EEF1AKMT2: variants seen among roughly 807,000 people sequenced by gnomAD.
EEF1AKMT2 encodes the protein EEF1A lysine methyltransferase 2, also known as eukaryotic translation elongation factor 1 alpha lysine methyltransferase 2.
A neutral mutation model predicts 35.8 loss-of-function variants in EEF1AKMT2; 32 were observed. The observed-to-expected ratio is 0.89, with a 90% confidence interval of 0.67 to 1.20. The LOEUF is 1.20. EEF1AKMT2 is among the 50% of genes most tolerant of loss of function. The pLI is 0.00. For missense variants in EEF1AKMT2, 330 were observed against 347.5 expected (o/e 0.95, Z 0.40); for synonymous variants, 121 against 133.7 (o/e 0.91, Z 0.65).
intron 4 of EEF1AKMT2, among the ~76,000 whole-genome samples, chr10:124,774,294 G>C (rs1453511413): frequency 6.9e-6 from 1 of 145,432 alleles, no homozygotes; most frequent in Non-Finnish European, 1.5e-5. Context: ...ATGAACCCAG[G>C]AGGCGGAGCT....
At chr10:124,766,625 C>T (rs1197896644) in intron 4 of EEF1AKMT2, among the ~76,000 whole-genome samples, 1 of 152,134 alleles carries the variant, frequency 6.6e-6, no homozygotes, top group Non-Finnish European at 1.5e-5. Flanking sequence ...CATGTTTAAT[C>T]TAAAACTCTA....
intron 4 of EEF1AKMT2, among the ~76,000 whole-genome samples, chr10:124,767,289 G>A (rs566984976): frequency 2.5e-4 from 38 of 150,758 alleles, no homozygotes; most frequent in Admixed American, 5.3e-4. Flanking sequence ...CAAGGCAGAC[G>A]GATCATGAGG....
intron 3 of EEF1AKMT2, among the ~76,000 whole-genome samples, chr10:124,775,942 G>C (rs1378736161): frequency 2.0e-5 from 3 of 148,392 alleles, no homozygotes; most frequent in African/African-American, 7.5e-5. Context: ...TTTTGAGACA[G>C]AGTCTCGCTC....
intron 3 of EEF1AKMT2, among the ~76,000 whole-genome samples, chr10:124,776,274 C>T (rs775734499): frequency 3.3e-5 from 5 of 152,084 alleles, no homozygotes; most frequent in Non-Finnish European, 7.3e-5. Flanking sequence ...TCACTCAGGG[C>T]CTCAAACTAT....
At chr10:124,789,436 C>T (rs1950615190) in intron 2 of EEF1AKMT2, among the ~76,000 whole-genome samples, 1 of 152,024 alleles carries the variant, frequency 6.6e-6, no homozygotes, top group African/African-American at 2.4e-5. Context: ...TGACAAAGGA[C>T]AACTATAGGG....
In EEF1AKMT2 at chr10:124,779,946, C is replaced by T. The variant is rs567436047; in HGVS notation, c.292-5164G>A. Among the ~76,000 whole-genome samples the T allele has an allele frequency of 3.3e-3, 502 of 151,644 alleles. 2 individuals carry two copies. The highest frequency in any genetic ancestry group is 0.011 in the African/African-American group (474 of 41,302). On this transcript the variant is annotated intron_variant, in intron 3 of 6. Transcript: ENST00000368836. ...GGCGTGGTGGCGGGCACATGTAGTCCCAGCTACTCGGGAGGCTGAGGCAAA... is the reference window on the plus strand; with the variant it reads ...GGCGTGGTGGCGGGCACATGTAGTCTCAGCTACTCGGGAGGCTGAGGCAAA...
intron 4 of EEF1AKMT2, among the ~76,000 whole-genome samples, 158 bp downstream of exon 4, chr10:124,774,517 C>T (rs916717323): frequency 3.3e-5 from 5 of 150,308 alleles, no homozygotes; most frequent in African/African-American, 1.2e-4. Flanking sequence ...TTCCCCAAAC[C>T]AACTAGATTA....
At chr10:124,785,632 G>C (rs1436253295) in intron 3 of EEF1AKMT2, among the ~76,000 whole-genome samples, 1 of 151,738 alleles carries the variant, frequency 6.6e-6, no homozygotes. Flanking sequence ...GGTGGCTCAC[G>C]CTTGTAATCC....
At chr10:124,760,666 TA>T (rs2134117937) in intron 6 of EEF1AKMT2, among the ~76,000 whole-genome samples, 163 bp from the exon 7 acceptor site, 1 of 152,360 alleles carries the variant, frequency 6.6e-6, no homozygotes, top group South Asian at 2.1e-4. Flanking sequence ...TTCTACTATG[TA>T]TGTACAGCAT....
chr10:124,767,759 G>A (rs2134124065), intron 4 of EEF1AKMT2, among the ~76,000 whole-genome samples: 1 of 152,202 alleles, frequency 6.6e-6, no homozygotes, highest in South Asian at 2.1e-4. Context: ...GCCGAGACGG[G>A]TAGATCACCT....
intron 3 of EEF1AKMT2, among the ~76,000 whole-genome samples, chr10:124,780,373 T>C (rs1200322248): frequency 6.6e-6 from 1 of 152,114 alleles, no homozygotes; most frequent in African/African-American, 2.4e-5. Context: ...TGAAAAACCA[T>C]TCAGACAAAT....
intron 3 of EEF1AKMT2, among the ~76,000 whole-genome samples, chr10:124,779,848 G>A (rs1950525401): frequency 6.7e-6 from 1 of 149,664 alleles, no homozygotes; most frequent in African/African-American, 2.5e-5. Flanking sequence ...GGATCCTGAG[G>A]TCAGGAGATC....
chr10:124,785,666 G>A (rs1284540878), intron 3 of EEF1AKMT2, among the ~76,000 whole-genome samples: 1 of 152,034 alleles, frequency 6.6e-6, no homozygotes, highest in African/African-American at 2.4e-5. Flanking sequence ...GGCCAAGGTG[G>A]GTAGATCACC....
downstream of EEF1AKMT2, among the ~76,000 whole-genome samples, chr10:124,757,280 G>C (rs1176202971): frequency 6.6e-6 from 1 of 151,320 alleles, no homozygotes; most frequent in Non-Finnish European, 1.5e-5. Context: ...CTGTCCAGGA[G>C]CACATACACG....
intron 6 of EEF1AKMT2, 105 bp from the exon 7 acceptor site, chr10:124,760,608 T>C: frequency 1.2e-6 from 1 of 858,772 alleles, no homozygotes; most frequent in Non-Finnish European, 1.8e-6. Context: ...TGTAAAACTA[T>C]GATTCCAAAC....
intron 6 of EEF1AKMT2, among the ~76,000 whole-genome samples, chr10:124,761,238 C>G (rs1279541658): frequency 6.6e-6 from 1 of 152,158 alleles, no homozygotes; most frequent in Non-Finnish European, 1.5e-5. Context: ...AATTAATTCA[C>G]ACCACACATA....
intron 4 of EEF1AKMT2, among the ~76,000 whole-genome samples, chr10:124,774,172 C>A (rs990990531): frequency 6.6e-6 from 1 of 151,988 alleles, no homozygotes; most frequent in African/African-American, 2.4e-5. Flanking sequence ...TCGAGACCGT[C>A]CTGGCTAACA....
intron 4 of EEF1AKMT2, among the ~76,000 whole-genome samples, chr10:124,773,967 GC>G (rs892589047): frequency 2.2e-4 from 33 of 152,258 alleles, no homozygotes; most frequent in African/African-American, 7.0e-4. Flanking sequence ...GAGAAGAGAG[GC>G]CTGGGCTAGA....
At chr10:124,791,582 C>A (rs1950634976) in intron 1 of EEF1AKMT2, 142 bp downstream of exon 1, 2 of 1,227,698 alleles carry the variant, frequency 1.6e-6, no homozygotes, top group East Asian at 2.6e-5. Context: ...TCCCCGTAAG[C>A]CCCCCGCCAG....
Sources: gnomAD v4.1 joint callset for allele counts (sites outside exome capture counted in the v4.1 genomes callset) on GRCh38, gnomAD v4.1.1 for gene constraint, MANE v1.5 for transcripts, NCBI Gene and HGNC (gene_info 2026-07-23, HGNC 2026-07-21) for gene names.